Variants in TMX1 observed in about 807,000 individuals in gnomAD.
TMX1 encodes the protein thioredoxin-related transmembrane protein 1.
TMX1 carries 25 observed loss-of-function variants against 36.6 expected under a neutral mutation model. The observed-to-expected ratio is 0.68, with a 90% CI of 0.50 to 0.95. The LOEUF (loss-of-function observed/expected upper bound fraction) is 0.95, where lower values mean the gene tolerates loss of function less well. Ranked by LOEUF, TMX1 falls within the 40% of genes least tolerant of loss-of-function variation. The pLI is 0.00. For synonymous variants in TMX1, 133 were observed against 118.0 expected, an observed-to-expected ratio of 1.13 and a Z score of -0.82; for missense variants, 347 against 339.6, an observed-to-expected ratio of 1.02 and a Z score of -0.17.
In TMX1 at chr14:51,256,861, T is replaced by A. The variant is rs1189476103; in HGVS notation, c.*2342T>A. The A allele has an allele frequency of 6.6e-6, 1 of 152,228 alleles. No homozygotes were observed. Among genetic ancestry groups the A allele is most frequent in the Middle Eastern group, 3.2e-3 (1 of 314 alleles). 9.4% of individuals were successfully genotyped at this position (152,228 alleles called of 1,614,324 possible). A position where few individuals can be genotyped will look rare whatever the true frequency, so the allele number is the denominator to read the frequency against. Reference sequence around the variant, plus strand: ...GTGGTACAAATAGGTAAAATTTGAATCTAATTCTTGTTCCAAATCTTTTTT... The same window carrying A: ...GTGGTACAAATAGGTAAAATTTGAAACTAATTCTTGTTCCAAATCTTTTTT... On this transcript the variant is annotated 3_prime_UTR_variant, in exon 8 of 8. Coordinates refer to ENST00000457354, the MANE Select transcript of TMX1 (RefSeq NM_030755.5).
rs2065840357 is a variant in TMX1 at position 51,256,745 on chromosome 14, T to C, written c.*2226T>C. ...ATTTACCAAGTACCTACTGGAGCTT[T>C]GTTGTTTTCTTGTATTTATTAATTT... On this transcript the variant is annotated 3_prime_UTR_variant, in exon 8 of 8. Transcript: ENST00000457354. 6.6e-6 allele frequency: 1 copy of C among 152,180 alleles called. No homozygotes were observed. Among genetic ancestry groups the C allele is most frequent in the Non-Finnish European group, 1.5e-5 (1 of 68,012 alleles). The allele number at this position is 152,180 out of a possible 1,614,324, so 9.4% of individuals were successfully genotyped here.
intron 7 of TMX1, among the ~76,000 whole-genome samples, chr14:51,252,374 A>G (rs1026686257): frequency 6.6e-6 from 1 of 151,782 alleles, no homozygotes; most frequent in Non-Finnish European, 1.5e-5. Context: ...GAAGGCAAGC[A>G]TGGTCTATGA....
rs778664822 is a variant in TMX1 at position 51,249,515 on chromosome 14, A to T, written c.537A>T (p.Gly179=). ...FIEDLGLPVW[G]SYTVFALATL... ...AAGACCTTGGATTGCCAGTGTGGGG[A>T]TCATATACTGTTTTTGCTTTAGCAA... Residue 179 remains glycine, a synonymous_variant, in exon 6 of 8, where the codon GGA becomes GGT. Coordinates refer to ENST00000457354, the MANE Select transcript of TMX1 (RefSeq NM_030755.5). 6.2e-7 allele frequency: 1 copy of T among 1,613,198 alleles called. No individual in the cohort carries two copies. The highest frequency in any genetic ancestry group is 1.1e-5 in the South Asian group (1 of 91,008).
In TMX1 at chr14:51,254,378, A is replaced by T. The variant is rs2065828809; in HGVS notation, c.702A>T (p.Lys234Asn). The T allele has an allele frequency of 1.2e-6, 2 of 1,608,512 alleles. No individual in the cohort carries two copies. The highest frequency in any genetic ancestry group is 1.7e-4 in the Middle Eastern group (1 of 6,044). Residue 234 changes from lysine (K) to asparagine (N), a missense_variant, in exon 8 of 8, where the codon AAA (lysine) becomes AAT (asparagine). Transcript: ENST00000457354. ...LLSESAQPLK[K>N]VEEEQEADEE... ...CAGAATCTGCACAACCTTTGAAAAA[A>T]GTGGAGGAGGAACAAGAGGCGGATG... is the stretch of plus-strand genomic sequence containing the variant.
intron 7 of TMX1, among the ~76,000 whole-genome samples, chr14:51,251,169 A>G (rs2065811011): frequency 6.6e-6 from 1 of 152,242 alleles, no homozygotes; most frequent in African/African-American, 2.4e-5. Flanking sequence ...TCCCTGACCT[A>G]CAATCATTCA....
At chr14:51,242,612 T>C (rs1435266507) in intron 1 of TMX1, among the ~76,000 whole-genome samples, 1 of 152,000 alleles carries the variant, frequency 6.6e-6, no homozygotes, top group African/African-American at 2.4e-5. Context: ...AACCAGTCTC[T>C]ACAAAAAAAT....
rs752507131 is a variant in TMX1 at position 51,245,294 on chromosome 14, G to C, written c.269-19G>C. On this transcript the variant is annotated intron_variant, in intron 2 of 7. Coordinates refer to ENST00000457354, the MANE Select transcript of TMX1 (RefSeq NM_030755.5). ...GTGATTGGCCTATGTAAAACCTGCT[G>C]TGTGTTCTTTATTTGTAGGACTGAG... 1.9e-6 allele frequency: 3 copies of C among 1,613,380 alleles called. No homozygotes were observed. Among genetic ancestry groups the C allele is most frequent in the Non-Finnish European group, 2.5e-6 (3 of 1,179,918 alleles).
rs1355607493 is a variant in TMX1, at chr14:51,256,487, G to A, written c.*1968G>A. The A allele has an allele frequency of 6.6e-6, 1 of 151,902 alleles. No homozygotes were observed. Among genetic ancestry groups the A allele is most frequent in the Non-Finnish European group, 1.5e-5 (1 of 67,966 alleles). 9.4% of individuals were successfully genotyped at this position (151,902 alleles called of 1,614,324 possible). A position where few individuals can be genotyped will look rare whatever the true frequency, so the allele number is the denominator to read the frequency against. ...TAGTAACAGGCTTATAGAAACTTTG[G>A]GATTATTTACAAATGGTTTAGGAAA... On this transcript the variant is annotated 3_prime_UTR_variant, in exon 8 of 8. Transcript: ENST00000457354.
chr14:51,243,093 TAA>T (rs34241507), intron 1 of TMX1, among the ~76,000 whole-genome samples: 54,160 of 138,240 alleles, frequency 0.39, 10,495 homozygotes, highest in East Asian at 0.54. Context: ...CTGGTTCTGT[TAA>T]AAAAAAAAAA....
chr14:51,248,746 G>A (rs1410422162), intron 4 of TMX1, among the ~76,000 whole-genome samples: 1 of 151,970 alleles, frequency 6.6e-6, no homozygotes, highest in Non-Finnish European at 1.5e-5. Context: ...TTTAAAACTG[G>A]CCATTTAATT....
chr14:51,244,097 T>C, intron 2 of TMX1, 126 bp downstream of exon 2: 1 of 729,138 alleles, frequency 1.4e-6, no homozygotes, highest in African/African-American at 1.8e-5. Flanking sequence ...AGTCTGCAGC[T>C]AGTTAACCTG....
rs1197705256 is a variant in TMX1 at position 51,255,624 on chromosome 14, A to C, written c.*1105A>C. ...TCTGTAATGCTTGATGTTTTAAAATAATAACATTTTTATATTTTTTAAAAG... is the reference window on the plus strand; with the variant it reads ...TCTGTAATGCTTGATGTTTTAAAATCATAACATTTTTATATTTTTTAAAAG... On this transcript the variant is annotated 3_prime_UTR_variant, in exon 8 of 8. Transcript: ENST00000457354. 2 of 152,074 alleles carry C rather than the reference A, an allele frequency of 1.3e-5. No homozygotes were observed. Among genetic ancestry groups the C allele is most frequent in the Non-Finnish European group, 2.9e-5 (2 of 67,930 alleles). 9.4% of individuals were successfully genotyped at this position (152,074 alleles called of 1,614,324 possible).
chr14:51,249,590 G>A (rs371588120), intron 6 of TMX1, 21 bp downstream of exon 6: 82 of 1,604,874 alleles, frequency 5.1e-5, no homozygotes, highest in Non-Finnish European at 6.8e-5. Flanking sequence ...CATTTTTGGA[G>A]TGCTAGGAAG....
intron 7 of TMX1, among the ~76,000 whole-genome samples, chr14:51,253,206 A>C (rs987630449): frequency 7.2e-5 from 11 of 152,294 alleles, no homozygotes; most frequent in African/African-American, 2.2e-4. Flanking sequence ...TGCCTTTTAT[A>C]CACTGTTGAA....
chr14:51,241,024 GCCT>G (rs1343953153), intron 1 of TMX1, among the ~76,000 whole-genome samples: 1 of 151,170 alleles, frequency 6.6e-6, no homozygotes, highest in Non-Finnish European at 1.5e-5. Context: ...TTCTCTTTTT[GCCT>G]CCTCTTTTGC....
chr14:51,244,186 T>A, intron 2 of TMX1: 1 of 371,898 alleles, frequency 2.7e-6, no homozygotes, highest in East Asian at 4.2e-5. Flanking sequence ...TACACCTCAT[T>A]TCTTGAATGT....
chr14:51,252,123 A>G (rs2065816962), intron 7 of TMX1, among the ~76,000 whole-genome samples: 1 of 151,694 alleles, frequency 6.6e-6, no homozygotes, highest in Non-Finnish European at 1.5e-5. Flanking sequence ...AACCTAAGGA[A>G]ATGACAGAGA....
In TMX1 at chr14:51,240,277, G is replaced by C. The variant is rs775780882; in HGVS notation, c.-16G>C. 8.7e-6 allele frequency: 14 copies of C among 1,607,102 alleles called. No homozygotes were observed. The South Asian group carries it at 1.4e-4, about 16-fold the overall frequency. On this transcript the variant is annotated 5_prime_UTR_variant, in exon 1 of 8. Transcript: ENST00000457354. Reference sequence around the variant, plus strand: ...GAGCTGCGACCGCGCTCCCTGTGAGGTGGGCAAGCGGCGAAATGGCGCCCT... The same window carrying C: ...GAGCTGCGACCGCGCTCCCTGTGAGCTGGGCAAGCGGCGAAATGGCGCCCT...
rs370655594 is a variant in TMX1, at chr14:51,247,420, A to G, written c.443+200A>G. On this transcript the variant is annotated intron_variant, in intron 4 of 7. Transcript: ENST00000457354. ...CGCCCAGGCTGGAGTGCAGTGGCGC[A>G]ATCTCGGCTCACTGCAAGCTCTGCC... Among the ~76,000 whole-genome samples, 13 of 141,980 alleles carry G rather than the reference A, an allele frequency of 9.2e-5. No individual in the cohort carries two copies. The East Asian group carries it at 1.9e-3, about 20-fold the overall frequency. 93.1% of individuals were successfully genotyped at this position (141,980 alleles called of 152,430 possible).
Sources: allele counts gnomAD v4.1 joint callset (sites outside exome capture counted in the v4.1 genomes callset), GRCh38; gene constraint gnomAD v4.1.1; transcripts MANE v1.5; gene names NCBI Gene and HGNC (gene_info 2026-07-23, HGNC 2026-07-21).